Variants in BLVRB observed in about 807,000 individuals in gnomAD.
The protein encoded by BLVRB is flavin reductase (NADPH).
BLVRB carries 25 observed loss-of-function variants against 21.1 expected under a neutral mutation model. The ratio of observed to expected loss-of-function variants is 1.19; its 90% CI spans 0.86 to 1.66. The LOEUF is 1.66. Ranked by LOEUF, BLVRB falls within the 40% of genes most tolerant of loss-of-function variation. The pLI is 0.00. For missense variants in BLVRB, 274 were observed against 282.7 expected (o/e 0.97, Z 0.22); for synonymous variants, 128 against 122.2 (o/e 1.05, Z -0.31).
intron 3 of BLVRB, among the ~76,000 whole-genome samples, chr19:40,452,763 G>A (rs2079745555): frequency 6.6e-6 from 1 of 152,070 alleles, no homozygotes; most frequent in African/African-American, 2.4e-5. Flanking sequence ...TACTCAGGAG[G>A]CTGAAGCTGG....
intron 1 of BLVRB, among the ~76,000 whole-genome samples, chr19:40,463,860 C>T (rs1038617729): frequency 1.6e-4 from 25 of 151,664 alleles, no homozygotes; most frequent in Non-Finnish European, 2.5e-4. Flanking sequence ...CTCTGCCTCC[C>T]GGATTCAAGC....
rs781212524 is a variant in BLVRB at position 40,458,366 on chromosome 19, G to C, written c.244+15C>G. ...GGTGTAGGGGAGGGCCGTGGGCAGA[G>C]GGGGGGCTCAGTACTGAGGTCATTG... On this transcript the variant is annotated intron_variant, in intron 2 of 4. Transcript: ENST00000263368. The C allele has an allele frequency of 1.3e-6, 2 of 1,559,854 alleles. No homozygotes were observed. Among genetic ancestry groups the C allele is most frequent in the Non-Finnish European group, 1.7e-6 (2 of 1,151,332 alleles).
At chr19:40,448,235 T>A (rs1231613947) in intron 4 of BLVRB, among the ~76,000 whole-genome samples, 189 bp from the exon 5 acceptor site, 1 of 152,068 alleles carries the variant, frequency 6.6e-6, no homozygotes, top group Non-Finnish European at 1.5e-5. Context: ...GATAAATCCT[T>A]ATTGATTACC....
At chr19:40,453,082 A>AT (rs890466118) in intron 3 of BLVRB, among the ~76,000 whole-genome samples, 32 of 151,846 alleles carry the variant, frequency 2.1e-4, no homozygotes, top group African/African-American at 6.3e-4. Context: ...AGAAAAAAAC[A>AT]TTTTTTTTGT....
chr19:40,458,418 G>A lies in BLVRB; in HGVS notation c.207C>T (p.Asp69=), dbSNP rs144849024. ...GGGTGCCCAGCAGCACGATGACAGC[G>A]TCCTGCCCAGCCACGGTCTTGTCCA... ...ADVDKTVAGQ[D]AVIVLLGTRN... Residue 69 remains aspartate (D), a synonymous_variant, in exon 2 of 5, where the codon GAC becomes GAT. Transcript: ENST00000263368. 2.8e-3 allele frequency: 4,465 copies of A among 1,592,206 alleles called. 12 individuals are homozygous for A. Among genetic ancestry groups the A allele is most frequent in the Non-Finnish European group, 3.4e-3 (3,947 of 1,170,106 alleles).
intron 3 of BLVRB, chr19:40,457,845 T>A (rs1791499372): frequency 2.5e-6 from 1 of 395,510 alleles, no homozygotes; most frequent in Non-Finnish European, 4.6e-6. Context: ...GCTCCCATAG[T>A]CCTGTAGTTT....
intron 1 of BLVRB, 62 bp downstream of exon 1, chr19:40,465,548 T>C: frequency 6.4e-7 from 1 of 1,551,590 alleles, no homozygotes; most frequent in South Asian, 1.2e-5. Flanking sequence ...GACCCCATGG[T>C]GCCCCTTCCT....
intron 1 of BLVRB, 148 bp downstream of exon 1, chr19:40,465,462 C>T: frequency 2.1e-6 from 2 of 936,608 alleles, no homozygotes; most frequent in Non-Finnish European, 1.6e-6. Flanking sequence ...ATTTCTGCCC[C>T]CGTGGCCACT....
intron 1 of BLVRB, 24 bp from the exon 2 acceptor site, chr19:40,458,569 G>A: frequency 6.4e-7 from 1 of 1,570,040 alleles, no homozygotes; most frequent in Non-Finnish European, 8.7e-7. Flanking sequence ...GGAGCAGAGA[G>A]CCTGGTCAGT....
At chr19:40,465,243 T>TA (rs1364478803) in intron 1 of BLVRB, among the ~76,000 whole-genome samples, 4 of 152,288 alleles carry the variant, frequency 2.6e-5, no homozygotes, top group African/African-American at 9.6e-5. Flanking sequence ...TTGAAAGCTC[T>TA]CATGTGAAGA....
chr19:40,460,245 AACATATATAT>A (rs1018885436), intron 1 of BLVRB, among the ~76,000 whole-genome samples: 6 of 53,568 alleles, frequency 1.1e-4, no homozygotes, highest in African/African-American at 3.8e-4. Context: ...CTGTAATAGC[AACATATATAT>A]ATATATATAT....
At position 40,465,481 on chromosome 19, in the gene BLVRB, C is replaced by T. The variant is rs184489349; in HGVS notation, c.79+129G>A. 142 of 1,159,422 alleles carry T rather than the reference C, an allele frequency of 1.2e-4. 1 individual carries two copies. In the East Asian group the frequency reaches 3.2e-3, roughly 26 times the overall value. 71.8% of individuals were successfully genotyped at this position (1,159,422 alleles called of 1,614,324 possible). On this transcript the variant is annotated intron_variant, in intron 1 of 4. Coordinates refer to ENST00000263368, the MANE Select transcript of BLVRB (RefSeq NM_000713.3). ...CTGCCCCCGTGGCCACTTGCTTTGG[C>T]CCCTGAGTCCTCATACACCTGGCTG...
intron 3 of BLVRB, 155 bp downstream of exon 3, chr19:40,458,000 G>A: frequency 1.4e-6 from 1 of 737,140 alleles, no homozygotes; most frequent in South Asian, 1.7e-5. Context: ...TCACCACTGT[G>A]TCCCCAGCAT....
intron 1 of BLVRB, among the ~76,000 whole-genome samples, chr19:40,460,150 C>G (rs915182213): frequency 1.3e-5 from 2 of 151,658 alleles, no homozygotes; most frequent in Non-Finnish European, 2.9e-5. Context: ...CACACACACA[C>G]ATACACACAC....
intron 2 of BLVRB, 68 bp downstream of exon 2, chr19:40,458,313 C>T (rs570592751): frequency 7.3e-5 from 34 of 468,778 alleles, no homozygotes; most frequent in South Asian, 3.1e-4. Flanking sequence ...GGGGCGGGGC[C>T]GGGGGCGGGG....
Position 40,451,409 on chromosome 19 carries a change from G to A in BLVRB, c.418C>T (p.Arg140Trp), listed in dbSNP as rs145609085. ...DDHIRMHKVL[R>W]ESGLKYVAVM... Reference sequence around the variant, plus strand: ...GCCACGTACTTCAGGCCTGATTCCCGCAGCACCTTGTGCATCCGGATGTGG... The same window carrying A: ...GCCACGTACTTCAGGCCTGATTCCCACAGCACCTTGTGCATCCGGATGTGG... Residue 140 changes from arginine to tryptophan, a missense_variant, in exon 4 of 5, where the codon CGG becomes TGG. Transcript: ENST00000263368. The A allele has an allele frequency of 1.4e-5, 22 of 1,611,470 alleles. No homozygotes were observed. The highest frequency in any genetic ancestry group is 1.6e-4 in the Middle Eastern group (1 of 6,080).
chr19:40,453,110 C>G (rs558116347), intron 3 of BLVRB, among the ~76,000 whole-genome samples: 1 of 152,038 alleles, frequency 6.6e-6, no homozygotes, highest in Non-Finnish European at 1.5e-5. Context: ...GAGGTCTTAC[C>G]AAGTTGCCCA....
At chr19:40,460,711 G>A (rs774748475) in intron 1 of BLVRB, among the ~76,000 whole-genome samples, 27 of 152,046 alleles carry the variant, frequency 1.8e-4, no homozygotes, top group Non-Finnish European at 3.2e-4. Flanking sequence ...GATGGCTCAC[G>A]CCTGTAATCC....
chr19:40,460,046 G>T (rs2079779736), intron 1 of BLVRB, among the ~76,000 whole-genome samples: 1 of 152,060 alleles, frequency 6.6e-6, no homozygotes, highest in African/African-American at 2.4e-5. Flanking sequence ...CTGCTGGGAA[G>T]CCCAGCCCTC....
Sources: gnomAD v4.1 joint callset for allele counts (sites outside exome capture counted in the v4.1 genomes callset) on GRCh38, gnomAD v4.1.1 for gene constraint, MANE v1.5 for transcripts, NCBI Gene and HGNC (gene_info 2026-07-23, HGNC 2026-07-21) for gene names.